Variants in MYO16 observed in about 807,000 individuals in gnomAD.
MYO16 encodes the protein unconventional myosin-XVI.
MYO16 carries 94 observed loss-of-function variants against 205.3 expected under a neutral mutation model. The observed-to-expected ratio is 0.46, with a 90% CI of 0.39 to 0.54. The LOEUF (loss-of-function observed/expected upper bound fraction) is 0.54, where lower values mean the gene tolerates loss of function less well. MYO16 is among the 20% of genes least tolerant of loss of function. The pLI is 0.00. For synonymous variants in MYO16, 988 were observed against 954.0 expected, an observed-to-expected ratio of 1.04 and a Z score of -0.66; for missense variants, 2,315 against 2,387.5, an observed-to-expected ratio of 0.97 and a Z score of 0.63.
At chr13:109,075,683 T>C (rs1011831674) in intron 27 of MYO16, among the ~76,000 whole-genome samples, 3 of 152,108 alleles carry the variant, frequency 2.0e-5, no homozygotes, top group Non-Finnish European at 4.4e-5. Context: ...CTGAAAATCT[T>C]TTTATGGGCT....
intron 14 of MYO16, among the ~76,000 whole-genome samples, chr13:108,896,129 A>G (rs1566397584): frequency 6.6e-6 from 1 of 152,144 alleles, no homozygotes. Context: ...AATTACCTGT[A>G]ATGTCCTTTT....
intron 17 of MYO16, 82 bp downstream of exon 17, chr13:108,957,881 G>T: frequency 1.8e-6 from 2 of 1,086,132 alleles, no homozygotes; most frequent in Non-Finnish European, 2.7e-6. Context: ...AGCATTTACT[G>T]AGCCCCTATG....
chr13:109,109,286 T>C (rs1398703248), intron 28 of MYO16, among the ~76,000 whole-genome samples: 1 of 152,168 alleles, frequency 6.6e-6, no homozygotes, highest in African/African-American at 2.4e-5. Context: ...GTTTTTCTTC[T>C]CAAGAACCAG....
At chr13:109,196,694 G>T (rs1212351936) in intron 34 of MYO16, among the ~76,000 whole-genome samples, 1 of 152,100 alleles carries the variant, frequency 6.6e-6, no homozygotes, top group Non-Finnish European at 1.5e-5. Context: ...CAGTAATACT[G>T]CCTTGGCCAC....
the MYO16 span, among the ~76,000 whole-genome samples, chr13:108,522,435 G>A: frequency 6.6e-6 from 1 of 152,096 alleles, no homozygotes; most frequent in South Asian, 2.1e-4. Flanking sequence ...TAAGAACATA[G>A]CAATATCTCA....
rs141393487 is a variant in MYO16 at position 109,156,140 on chromosome 13, G to A, written c.5165-8761G>A. On this transcript the variant is annotated intron_variant, in intron 32 of 34. Coordinates refer to ENST00000457511, the MANE Select transcript of MYO16 (RefSeq NM_001198950.3). ...TTAGAGATTTAAAAGGAGTTGCCCTGTGTAACACAAACTAGATTTGGTTTA... is the reference window on the plus strand; with the variant it reads ...TTAGAGATTTAAAAGGAGTTGCCCTATGTAACACAAACTAGATTTGGTTTA... Among the ~76,000 whole-genome samples the A allele has an allele frequency of 2.0e-5, 3 of 152,326 alleles. No individual in the cohort carries two copies. In the East Asian group the frequency reaches 5.8e-4, roughly 29 times the overall value.
chr13:109,119,896 G>C (rs1875904487), intron 28 of MYO16, among the ~76,000 whole-genome samples: 2 of 152,288 alleles, frequency 1.3e-5, no homozygotes, highest in Admixed American at 6.5e-5. Flanking sequence ...ATAATAATAT[G>C]TGGCATAGTG....
intron 4 of MYO16, among the ~76,000 whole-genome samples, chr13:108,767,768 A>T (rs187337853): frequency 1.5e-4 from 23 of 152,238 alleles, no homozygotes; most frequent in Admixed American, 1.1e-3. Flanking sequence ...ATTCCAATAC[A>T]TGTTTTTCAG....
intron 24 of MYO16, 130 bp from the exon 25 acceptor site, chr13:109,052,170 C>T (rs1380319759): frequency 3.4e-5 from 25 of 734,840 alleles, no homozygotes; most frequent in South Asian, 2.9e-4. Flanking sequence ...GTAGACTCCT[C>T]AATCTGCTGA....
chr13:108,582,330 C>T, the MYO16 span, among the ~76,000 whole-genome samples: 1 of 152,036 alleles, frequency 6.6e-6, no homozygotes, highest in Admixed American at 6.6e-5. Context: ...TACAAGTCTA[C>T]CCAGTTCCAC....
chr13:108,543,748 T>C, the MYO16 span, among the ~76,000 whole-genome samples: 69 of 148,860 alleles, frequency 4.6e-4, no homozygotes, highest in East Asian at 0.011. Flanking sequence ...TTCTTTTTTT[T>C]TTTTTTTTTA....
the MYO16 span, among the ~76,000 whole-genome samples, chr13:108,588,046 T>C: frequency 1.0e-3 from 155 of 151,728 alleles, no homozygotes; most frequent in African/African-American, 3.5e-3. Context: ...ATGTTTTTAT[T>C]AATGGTATTT....
At chr13:108,780,094 T>C (rs1361150709) in intron 4 of MYO16, 1 of 152,186 alleles carries the variant, frequency 6.6e-6, no homozygotes, top group African/African-American at 2.4e-5. Context: ...TTAAGTGTCA[T>C]GTGTGGCAGC....
intron 12 of MYO16, among the ~76,000 whole-genome samples, chr13:108,867,127 T>A (rs1485591196): frequency 6.6e-6 from 1 of 151,800 alleles, no homozygotes; most frequent in South Asian, 2.1e-4. Context: ...GTGGATCACT[T>A]GAGGCCAGGA....
chr13:108,714,913 C>A (rs1295202610), intron 3 of MYO16, among the ~76,000 whole-genome samples: 5 of 152,250 alleles, frequency 3.3e-5, no homozygotes, highest in East Asian at 1.9e-4. Flanking sequence ...GGTTTTAAAC[C>A]ACCATCCCTC....
At chr13:109,203,518 A>G (rs896265356) in intron 34 of MYO16, among the ~76,000 whole-genome samples, 1 of 151,028 alleles carries the variant, frequency 6.6e-6, no homozygotes, top group Non-Finnish European at 1.5e-5. Context: ...CTCTTACTGT[A>G]GTTCCTCGCT....
At chr13:108,943,115 A>G (rs970959214) in intron 16 of MYO16, among the ~76,000 whole-genome samples, 4 of 152,240 alleles carry the variant, frequency 2.6e-5, no homozygotes, top group African/African-American at 9.6e-5. Flanking sequence ...GAAAGAAATG[A>G]GTATTCTGGC....
Position 109,125,440 on chromosome 13 carries a change from A to G in MYO16, c.3782+82A>G. 6.5e-7 allele frequency: 1 copy of G among 1,542,678 alleles called. No individual in the cohort carries two copies. The highest frequency in any genetic ancestry group is 8.8e-7 in the Non-Finnish European group (1 of 1,133,868). On this transcript the variant is annotated intron_variant, in intron 30 of 34. Transcript: ENST00000457511. The surrounding 1 kb of genome is among the most constrained non-coding windows in gnomAD (Gnocchi z 4.0). ...TGAAAATTCAAATAGCCCTTAATGC[A>G]GAGTTCAATCAAATATGACAGGAGT... is the stretch of plus-strand genomic sequence containing the variant.
chr13:109,206,365 C>T (rs897071168), intron 34 of MYO16, among the ~76,000 whole-genome samples: 4 of 150,168 alleles, frequency 2.7e-5, no homozygotes, highest in Non-Finnish European at 5.9e-5. Context: ...TCTGGAGGTG[C>T]AGCACACCTT....
Sources: gnomAD v4.1 joint callset for allele counts (sites outside exome capture counted in the v4.1 genomes callset) on GRCh38, gnomAD v4.1.1 for gene constraint, Gnocchi (gnomAD v3.1) non-coding constraint, MANE v1.5 for transcripts, NCBI Gene and HGNC (gene_info 2026-07-23, HGNC 2026-07-21) for gene names.